Variants in SOX5 observed in about 807,000 individuals in gnomAD.
SOX5 encodes the protein transcription factor SOX-5.
In SOX5, 9 loss-of-function variants were observed where a neutral mutation model predicts 92.0. The ratio of observed to expected loss-of-function variants is 0.10; its 90% confidence interval spans 0.06 to 0.17. The LOEUF is 0.17. SOX5 is among the 10% of genes least tolerant of loss of function. The pLI, the probability that SOX5 is intolerant of heterozygous loss-of-function variation, is 1.00. For synonymous variants in SOX5, 344 were observed against 336.3 expected, an observed-to-expected ratio of 1.02 and a Z score of -0.25; for missense variants, 642 against 944.5, an observed-to-expected ratio of 0.68 and a Z score of 4.20.
intron 1 of SOX5, among the ~76,000 whole-genome samples, chr12:23,947,480 C>G (rs572974254): frequency 6.6e-6 from 1 of 151,774 alleles, no homozygotes; most frequent in South Asian, 2.1e-4. Flanking sequence ...GACACTCACC[C>G]GTACAAATTC....
intron 4 of SOX5, among the ~76,000 whole-genome samples, chr12:24,178,651 A>G (rs764115178): frequency 6.6e-6 from 1 of 152,244 alleles, no homozygotes; most frequent in Non-Finnish European, 1.5e-5. Flanking sequence ...CCTTGTGAAA[A>G]GTATTTTAGA....
chr12:23,740,797 G>T (rs1467603490), intron 5 of SOX5, 70 bp downstream of exon 5: 5 of 1,301,068 alleles, frequency 3.8e-6, no homozygotes, highest in Admixed American at 3.8e-5. Context: ...GTGTGCCTAG[G>T]ACAGTGACCT....
At chr12:23,904,670 T>A (rs926105887) in intron 1 of SOX5, among the ~76,000 whole-genome samples, 1 of 152,228 alleles carries the variant, frequency 6.6e-6, no homozygotes, top group African/African-American at 2.4e-5. Context: ...TAAAAACATG[T>A]TCATCAAAAA....
intron 4 of SOX5, among the ~76,000 whole-genome samples, chr12:24,178,135 T>C (rs1366399854): frequency 6.6e-6 from 1 of 152,142 alleles, no homozygotes; most frequent in Non-Finnish European, 1.5e-5. Flanking sequence ...TAACAAAGTT[T>C]CTTTACAGAA....
At chr12:23,681,000 G>A (rs2086536214) in intron 6 of SOX5, among the ~76,000 whole-genome samples, 1 of 152,028 alleles carries the variant, frequency 6.6e-6, no homozygotes, top group African/African-American at 2.4e-5. Flanking sequence ...AGAAGAAATA[G>A]GTAAGATGCA....
At chr12:23,926,451 A>G (rs978199025) in intron 1 of SOX5, among the ~76,000 whole-genome samples, 1 of 152,128 alleles carries the variant, frequency 6.6e-6, no homozygotes, top group African/African-American at 2.4e-5. Context: ...TCATAGGTTT[A>G]GTATATTTTT....
intron 1 of SOX5, among the ~76,000 whole-genome samples, chr12:23,935,114 T>G (rs1039196973): frequency 3.3e-5 from 5 of 151,202 alleles, no homozygotes; most frequent in African/African-American, 1.2e-4. Flanking sequence ...GAAAAATCAG[T>G]GGCTGAAAAA....
intron 2 of SOX5, among the ~76,000 whole-genome samples, chr12:24,362,289 T>G (rs889009132): frequency 6.7e-6 from 1 of 148,980 alleles, no homozygotes; most frequent in Non-Finnish European, 1.5e-5. Flanking sequence ...AAAATAATGT[T>G]TGTTATTACA....
chr12:24,074,948 G>C (rs1371064048), intron 4 of SOX5, among the ~76,000 whole-genome samples: 1 of 149,918 alleles, frequency 6.7e-6, no homozygotes, highest in African/African-American at 2.4e-5. Flanking sequence ...TTAGCTTCCT[G>C]CTGATGGTCC....
At position 24,099,441 on chromosome 12, in the gene SOX5, T is replaced by C. The variant is rs143944359; in HGVS notation, c.-2+113902A>G. On this transcript the variant is annotated intron_variant, in intron 4 of 4. Coordinates refer to the SOX5 transcript ENST00000446891. ...ATCATACAGGAGTCTCTGGATCAGT[T>C]AGATCTGTCCTGAATTCGGATGAAG... is the stretch of plus-strand genomic sequence containing the variant. 2.5e-3 allele frequency among the ~76,000 whole-genome samples: 387 copies of C among 152,320 alleles called. 1 individual carries two copies. The highest frequency in any genetic ancestry group is 9.0e-3 in the African/African-American group (374 of 41,582).
intron 8 of SOX5, among the ~76,000 whole-genome samples, chr12:23,628,244 TG>T (rs1321345267): frequency 6.6e-6 from 1 of 151,868 alleles, no homozygotes; most frequent in Non-Finnish European, 1.5e-5. Flanking sequence ...AAACCAGGTG[TG>T]GGGGTGGGGA....
intron 1 of SOX5, among the ~76,000 whole-genome samples, chr12:24,487,506 C>T (rs752300530): frequency 6.6e-6 from 1 of 152,114 alleles, no homozygotes; most frequent in Non-Finnish European, 1.5e-5. Context: ...TATTCATTGA[C>T]AGGCATGAGG....
rs141989239 is a variant in SOX5, at chr12:23,903,743, T to C, written c.39-7719A>G. On this transcript the variant is annotated intron_variant, in intron 1 of 14. Transcript: ENST00000451604. ...GTTTTTCGAGTAGCAAGACTATTTG[T>C]TCAGGACATTTACATTTACTTGTCT... Among the ~76,000 whole-genome samples, 788 of 152,366 alleles carry C rather than the reference T, an allele frequency of 5.2e-3. 4 individuals carry two copies. Among genetic ancestry groups the C allele is most frequent in the Non-Finnish European group, 8.3e-3 (568 of 68,028 alleles).
intron 6 of SOX5, among the ~76,000 whole-genome samples, chr12:23,721,312 C>T (rs947050376): frequency 6.6e-6 from 1 of 151,846 alleles, no homozygotes; most frequent in Non-Finnish European, 1.5e-5. Context: ...CTCGAACTCC[C>T]GACCTTAGGT....
intron 3 of SOX5, among the ~76,000 whole-genome samples, chr12:23,843,934 T>C (rs971033854): frequency 6.6e-6 from 1 of 152,196 alleles, no homozygotes; most frequent in African/African-American, 2.4e-5. Context: ...CTAAATGAAA[T>C]AGGAAGCACA....
chr12:23,605,063 T>C (rs2075073872), intron 8 of SOX5, among the ~76,000 whole-genome samples: 1 of 152,144 alleles, frequency 6.6e-6, no homozygotes, highest in Non-Finnish European at 1.5e-5. Flanking sequence ...GATTATCTGG[T>C]CAGTCTACCT....
chr12:24,174,426 A>G (rs1267638280), intron 4 of SOX5, among the ~76,000 whole-genome samples: 2 of 152,234 alleles, frequency 1.3e-5, no homozygotes, highest in African/African-American at 4.8e-5. Context: ...TGTTATCATT[A>G]CTTGGGGAGA....
At chr12:24,515,334 T>C (rs1300189585) in intron 1 of SOX5, among the ~76,000 whole-genome samples, 1 of 152,228 alleles carries the variant, frequency 6.6e-6, no homozygotes, top group African/African-American at 2.4e-5. Context: ...AATGAATTCA[T>C]ACATGTAAAG....
chr12:23,752,569 T>G (rs183680475), intron 4 of SOX5, among the ~76,000 whole-genome samples: 4 of 151,834 alleles, frequency 2.6e-5, no homozygotes, highest in Non-Finnish European at 4.4e-5. Flanking sequence ...TTCGGTGTAA[T>G]GGAATTTCAT....
Sources: gnomAD v4.1 joint callset for allele counts (sites outside exome capture counted in the v4.1 genomes callset) on GRCh38, gnomAD v4.1.1 for gene constraint, MANE v1.5 for transcripts, NCBI Gene and HGNC (gene_info 2026-07-23, HGNC 2026-07-21) for gene names.